Variants in CNTN4 observed in about 807,000 individuals in gnomAD.
CNTN4 encodes the protein contactin-4.
CNTN4 carries 77 observed loss-of-function variants against 122.5 expected under a neutral mutation model. That is an observed-to-expected ratio of 0.63 (90% CI 0.52 to 0.76). CNTN4 has a LOEUF of 0.76. Ranked by LOEUF, CNTN4 falls within the 30% of genes least tolerant of loss-of-function variation. CNTN4 has a pLI of 0.00. For missense variants in CNTN4, 1,256 were observed against 1,259.1 expected, an observed-to-expected ratio of 1.00 and a Z score of 0.04; for synonymous variants, 512 against 447.0, an observed-to-expected ratio of 1.15 and a Z score of -1.83.
intron 10 of CNTN4, among the ~76,000 whole-genome samples, chr3:2,891,871 G>C (rs938600464): frequency 6.6e-6 from 1 of 152,200 alleles, no homozygotes; most frequent in African/African-American, 2.4e-5. Flanking sequence ...AGACCGCTCA[G>C]GTTGTTTTGT....
At chr3:2,260,399 A>T (rs1054504042) in intron 2 of CNTN4, among the ~76,000 whole-genome samples, 1 of 152,000 alleles carries the variant, frequency 6.6e-6, no homozygotes, top group Non-Finnish European at 1.5e-5. Flanking sequence ...GAACCTCCGG[A>T]TTAAATTAAG....
chr3:2,678,844 C>T (rs1395679600), intron 4 of CNTN4, among the ~76,000 whole-genome samples: 1 of 152,174 alleles, frequency 6.6e-6, no homozygotes, highest in African/African-American at 2.4e-5. Flanking sequence ...TGGCTTTTCT[C>T]TTGCCCTAGA....
intron 2 of CNTN4, among the ~76,000 whole-genome samples, chr3:2,290,830 C>G (rs1295992683): frequency 1.3e-5 from 2 of 151,946 alleles, no homozygotes; most frequent in African/African-American, 2.4e-5. Context: ...GAGGAAAAAA[C>G]TTATTTCCCT....
chr3:2,117,892 C>G (rs987317694), intron 2 of CNTN4, among the ~76,000 whole-genome samples: 1 of 152,152 alleles, frequency 6.6e-6, no homozygotes, highest in Non-Finnish European at 1.5e-5. Flanking sequence ...AGTTTCACAT[C>G]TGTCAGGTGG....
intron 4 of CNTN4, among the ~76,000 whole-genome samples, chr3:2,717,368 C>T (rs1282011026): frequency 6.6e-6 from 1 of 152,138 alleles, no homozygotes; most frequent in African/African-American, 2.4e-5. Flanking sequence ...GACCAGCCCC[C>T]AGTGAAAACC....
intron 2 of CNTN4, among the ~76,000 whole-genome samples, chr3:2,310,865 T>C (rs1032503362): frequency 1.6e-4 from 24 of 152,278 alleles, no homozygotes; most frequent in Non-Finnish European, 2.6e-4. Context: ...TGCCAGTGCT[T>C]GAGTGCACAA....
At chr3:2,167,961 G>C (rs1026418761) in intron 2 of CNTN4, among the ~76,000 whole-genome samples, 1 of 152,302 alleles carries the variant, frequency 6.6e-6, no homozygotes, top group African/African-American at 2.4e-5. Context: ...AACATAGGAA[G>C]ACTCCATCTC....
chr3:2,348,686 T>C (rs763967543), intron 3 of CNTN4, among the ~76,000 whole-genome samples: 24 of 152,234 alleles, frequency 1.6e-4, no homozygotes, highest in Non-Finnish European at 2.2e-4. Flanking sequence ...GGGTTCATTA[T>C]GTTTTCAAAA....
At chr3:2,605,092 G>T (rs1199334055) in intron 4 of CNTN4, among the ~76,000 whole-genome samples, 1 of 152,100 alleles carries the variant, frequency 6.6e-6, no homozygotes, top group African/African-American at 2.4e-5. Context: ...CGGCAGCCTC[G>T]AACTGCTGAG....
intron 4 of CNTN4, among the ~76,000 whole-genome samples, chr3:2,676,836 TAGAG>T (rs1416012152): frequency 2.6e-5 from 4 of 152,182 alleles, no homozygotes; most frequent in Non-Finnish European, 2.9e-5. Context: ...GGGAAATTAT[TAGAG>T]AGCATGTATC....
At chr3:2,950,423 C>T (rs1264736934) in intron 13 of CNTN4, among the ~76,000 whole-genome samples, 1 of 152,190 alleles carries the variant, frequency 6.6e-6, no homozygotes, top group South Asian at 2.1e-4. Context: ...CCAAACACAT[C>T]GGTAGCTTGT....
chr3:2,656,569 C>T (rs769336568), intron 4 of CNTN4, among the ~76,000 whole-genome samples: 6 of 152,310 alleles, frequency 3.9e-5, no homozygotes, highest in East Asian at 3.9e-4. Flanking sequence ...GAGCATAATG[C>T]GGACTAACTT....
chr3:2,186,994 C>T (rs540586266), intron 2 of CNTN4, among the ~76,000 whole-genome samples: 83 of 152,272 alleles, frequency 5.5e-4, no homozygotes, highest in African/African-American at 1.9e-3. Context: ...GACATGAAGT[C>T]CTTGCCCATG....
At chr3:2,581,070 G>T (rs1007351826) in intron 4 of CNTN4, among the ~76,000 whole-genome samples, 1 of 152,182 alleles carries the variant, frequency 6.6e-6, no homozygotes, top group African/African-American at 2.4e-5. Context: ...TGAACCAGCA[G>T]CATCATTGTC....
At chr3:2,925,935 A>T (rs927823052) in intron 13 of CNTN4, among the ~76,000 whole-genome samples, 156 bp downstream of exon 13, 1 of 152,208 alleles carries the variant, frequency 6.6e-6, no homozygotes, top group Non-Finnish European at 1.5e-5. Flanking sequence ...GTGGTAAGTT[A>T]TTGATCTTTA....
At chr3:2,684,790 C>T (rs1006811532) in intron 4 of CNTN4, among the ~76,000 whole-genome samples, 5 of 152,168 alleles carry the variant, frequency 3.3e-5, no homozygotes, top group African/African-American at 1.2e-4. Flanking sequence ...AAATTTGTTG[C>T]CCATGTTGTT....
intron 23 of CNTN4, among the ~76,000 whole-genome samples, chr3:3,050,521 T>G (rs1254506182): frequency 2.0e-5 from 3 of 151,924 alleles, no homozygotes; most frequent in Non-Finnish European, 4.4e-5. Context: ...CCCAGCACTT[T>G]GGGAGGCCGA....
At chr3:3,053,768 G>T in intron 23 of CNTN4, 39 bp from the exon 24 acceptor site, 1 of 1,608,720 alleles carries the variant, frequency 6.2e-7, no homozygotes, top group Non-Finnish European at 8.5e-7. Flanking sequence ...GGACCTTTGT[G>T]AAGACGGCAG....
chr3:2,694,734 A>G (rs950337143), intron 4 of CNTN4, among the ~76,000 whole-genome samples: 2 of 152,106 alleles, frequency 1.3e-5, no homozygotes, highest in African/African-American at 4.8e-5. Flanking sequence ...GTCTCAAAAA[A>G]AGAAAGAAAG....
Sources: gnomAD v4.1 joint callset for allele counts (sites outside exome capture counted in the v4.1 genomes callset) on GRCh38, gnomAD v4.1.1 for gene constraint, MANE v1.5 for transcripts, NCBI Gene and HGNC (gene_info 2026-07-23, HGNC 2026-07-21) for gene names.